Variants in RPH3A observed in about 807,000 individuals in gnomAD.
RPH3A encodes the protein rabphilin 3A, also known as rabphilin-3A.
RPH3A carries 48 observed loss-of-function variants against 102.2 expected under a neutral mutation model. The ratio of observed to expected loss-of-function variants is 0.47; its 90% CI spans 0.37 to 0.60. The LOEUF is 0.60. RPH3A is among the 20% of genes least tolerant of loss of function. The pLI, the probability that RPH3A is intolerant of heterozygous loss-of-function variation, is 0.00. For missense variants in RPH3A, 781 were observed against 910.1 expected, an observed-to-expected ratio of 0.86 and a Z score of 1.83; for synonymous variants, 310 against 324.3, an observed-to-expected ratio of 0.96 and a Z score of 0.47.
intron 5 of RPH3A, among the ~76,000 whole-genome samples, chr12:112,862,073 G>A (rs916634119): frequency 2.0e-4 from 30 of 150,916 alleles, no homozygotes; most frequent in African/African-American, 7.3e-4. Context: ...TAATCCCAAT[G>A]CTTTGGGAAG....
chr12:112,698,747 C>T lies in RPH3A; in HGVS notation c.-139-93396C>T, dbSNP rs985944359. Among the ~76,000 whole-genome samples, 5 of 152,028 alleles carry T rather than the reference C, an allele frequency of 3.3e-5. No individual in the cohort carries two copies. In the South Asian group the frequency reaches 8.3e-4, roughly 25 times the overall value. ...TGGTGAGGATATGAAGCCACTGGAA[C>T]TCTCATACGTTACTGTTGGGAATGG... On this transcript the variant is annotated intron_variant, in intron 1 of 21. Coordinates refer to the RPH3A transcript ENST00000543106.
At position 112,866,850 on chromosome 12, in the gene RPH3A, C is replaced by T. The variant is rs779863638; in HGVS notation, c.444+10C>T. On this transcript the variant is annotated intron_variant, in intron 7 of 21. Transcript: ENST00000389385. ...CATTGAGCAGAGGGAGGTGAGTGCC[C>T]TGGTCCCACCTGGTGCCTAGATCAC... The T allele has an allele frequency of 6.3e-6, 10 of 1,596,224 alleles. No homozygotes were observed. Among genetic ancestry groups the T allele is most frequent in the Non-Finnish European group, 8.6e-6 (10 of 1,168,414 alleles).
chr12:112,616,834 C>A (rs760378163), intron 1 of RPH3A, among the ~76,000 whole-genome samples: 7 of 152,206 alleles, frequency 4.6e-5, no homozygotes, highest in Non-Finnish European at 5.9e-5. Flanking sequence ...GATCCAACAG[C>A]TGAAATTTGG....
rs2043206271 is a variant in RPH3A at position 112,897,723 on chromosome 12, C to T, written c.*943C>T. Reference sequence around the variant, plus strand: ...CCAAACCTGAGATTCCACTTGGGCCCACGCTTCTTAACTGACCCACTCCTC... The same window carrying T: ...CCAAACCTGAGATTCCACTTGGGCCTACGCTTCTTAACTGACCCACTCCTC... On this transcript the variant is annotated 3_prime_UTR_variant, in exon 22 of 22. Coordinates refer to ENST00000389385, the MANE Select transcript of RPH3A (RefSeq NM_001143854.2). The T allele has an allele frequency of 6.6e-6, 1 of 152,468 alleles. No homozygotes were observed. Among genetic ancestry groups the T allele is most frequent in the South Asian group, 2.1e-4 (1 of 4,836 alleles). The allele number at this position is 152,468 out of a possible 1,614,324, so 9.4% of individuals were successfully genotyped here. A position where few individuals can be genotyped will look rare whatever the true frequency, so the allele number is the denominator to read the frequency against.
chr12:112,694,013 A>C (rs2040327247), intron 1 of RPH3A, among the ~76,000 whole-genome samples: 1 of 152,180 alleles, frequency 6.6e-6, no homozygotes, highest in Non-Finnish European at 1.5e-5. Flanking sequence ...TTCGCTCTGC[A>C]CACTCTTACA....
chr12:112,879,179 G>GCA lies in RPH3A; in HGVS notation c.1234_1235dup (p.Ile413ProfsTer8). 1 of 1,613,952 alleles carries GCA rather than the reference G, an allele frequency of 6.2e-7. No individual in the cohort carries two copies. Among genetic ancestry groups the GCA allele is most frequent in the Non-Finnish European group, 8.5e-7 (1 of 1,179,900 alleles). On this transcript the variant is annotated frameshift_variant, in exon 14 of 22. Transcript: ENST00000389385. LOFTEE classifies it high-confidence loss of function. ...GACCAGGACAACAGCTCCCTGCAGTGCACCATCATTAAGGCCAAGGTGGGT... is the reference window on the plus strand; with the variant it reads ...GACCAGGACAACAGCTCCCTGCAGTGCACACCATCATTAAGGCCAAGGTGGGT...
chr12:112,784,573 G>T (rs1313194757), intron 1 of RPH3A, among the ~76,000 whole-genome samples: 1 of 152,182 alleles, frequency 6.6e-6, no homozygotes, highest in Non-Finnish European at 1.5e-5. Flanking sequence ...AGCATCAAAA[G>T]TTCTAAGAAT....
chr12:112,603,458 T>C (rs572706851), intron 1 of RPH3A, among the ~76,000 whole-genome samples: 2 of 152,104 alleles, frequency 1.3e-5, no homozygotes, highest in South Asian at 4.1e-4. Flanking sequence ...ATAGACAGAG[T>C]AGGGCGTTCC....
chr12:112,634,679 G>T (rs1462204693), intron 1 of RPH3A, among the ~76,000 whole-genome samples: 1 of 152,120 alleles, frequency 6.6e-6, no homozygotes, highest in African/African-American at 2.4e-5. Flanking sequence ...TACACCAGAT[G>T]ATTTCTGATG....
At chr12:112,623,951 G>C (rs1032317852) in intron 1 of RPH3A, among the ~76,000 whole-genome samples, 2 of 112,144 alleles carry the variant, frequency 1.8e-5, no homozygotes, top group African/African-American at 3.7e-5. Flanking sequence ...ACCTGCTCCT[G>C]AATGACTACT....
intron 2 of RPH3A, among the ~76,000 whole-genome samples, chr12:112,810,698 C>T (rs886302667): frequency 2.0e-5 from 3 of 152,138 alleles, no homozygotes; most frequent in African/African-American, 7.2e-5. Context: ...CACTTTTCCT[C>T]CCAAATTGGC....
chr12:112,838,380 C>A (rs1285646637), intron 4 of RPH3A, among the ~76,000 whole-genome samples: 3 of 152,204 alleles, frequency 2.0e-5, no homozygotes, highest in Admixed American at 2.0e-4. Flanking sequence ...CCACAGCATC[C>A]CTTCTGCACT....
intron 1 of RPH3A, among the ~76,000 whole-genome samples, chr12:112,770,419 C>T (rs376194001): frequency 6.6e-6 from 1 of 152,104 alleles, no homozygotes; most frequent in African/African-American, 2.4e-5. Flanking sequence ...GATCTTGGCT[C>T]ACTACAACTT....
intron 1 of RPH3A, among the ~76,000 whole-genome samples, chr12:112,704,276 G>A (rs2136030841): frequency 6.6e-6 from 1 of 152,212 alleles, no homozygotes; most frequent in Middle Eastern, 3.4e-3. Context: ...TTTTAGTAGA[G>A]ATGGGGTTTC....
intron 2 of RPH3A, among the ~76,000 whole-genome samples, chr12:112,802,753 T>G (rs2041379221): frequency 6.6e-6 from 1 of 152,054 alleles, no homozygotes; most frequent in Admixed American, 6.6e-5. Context: ...GTAGCCATGC[T>G]GGCTCCTCAT....
intron 1 of RPH3A, among the ~76,000 whole-genome samples, chr12:112,772,304 G>T (rs2136073012): frequency 6.6e-6 from 1 of 152,208 alleles, no homozygotes; most frequent in East Asian, 1.9e-4. Context: ...TTTTACAAAG[G>T]GGGCACTATT....
At chr12:112,658,769 A>G (rs1016693913) in intron 1 of RPH3A, among the ~76,000 whole-genome samples, 1 of 152,236 alleles carries the variant, frequency 6.6e-6, no homozygotes, top group African/African-American at 2.4e-5. Context: ...ATGGCTGCTA[A>G]GTGTTTGATC....
At chr12:112,813,239 G>A (rs954464067) in intron 2 of RPH3A, 4 of 152,198 alleles carry the variant, frequency 2.6e-5, no homozygotes, top group African/African-American at 9.7e-5. Context: ...CCGCCTGCCT[G>A]GGTGATTGGG....
chr12:112,576,613 C>A (rs991516865), intron 1 of RPH3A, among the ~76,000 whole-genome samples: 1 of 152,228 alleles, frequency 6.6e-6, no homozygotes, highest in African/African-American at 2.4e-5. Context: ...GCCTTGGCCT[C>A]CCAAAGTGCT....
Sources: allele counts gnomAD v4.1 joint callset (sites outside exome capture counted in the v4.1 genomes callset), GRCh38; gene constraint gnomAD v4.1.1; transcripts MANE v1.5; gene names NCBI Gene and HGNC (gene_info 2026-07-23, HGNC 2026-07-21).